RBMS3: variants seen among roughly 807,000 people sequenced by gnomAD.
RBMS3 encodes RNA-binding motif, single-stranded-interacting protein 3.
A neutral mutation model predicts 66.8 loss-of-function variants in RBMS3; 27 were observed. The observed-to-expected ratio is 0.40, with a 90% CI of 0.30 to 0.56. The LOEUF is 0.56. Ranked by LOEUF, RBMS3 falls within the 20% of genes least tolerant of loss-of-function variation. The pLI is 0.40. For missense variants in RBMS3, 513 were observed against 549.5 expected, an observed-to-expected ratio of 0.93 and a Z score of 0.66; for synonymous variants, 188 against 183.0, an observed-to-expected ratio of 1.03 and a Z score of -0.22.
intron 1 of RBMS3, among the ~76,000 whole-genome samples, chr3:29,311,225 A>G (rs192561967): frequency 1.1e-4 from 16 of 151,870 alleles, no homozygotes; most frequent in Admixed American, 1.1e-3. Context: ...AGGTTCTCTT[A>G]TTATCTCCGG....
intron 3 of RBMS3, among the ~76,000 whole-genome samples, chr3:29,541,844 GC>G (rs2045775783): frequency 1.3e-5 from 2 of 151,712 alleles, no homozygotes. Context: ...GCAGCCCTCA[GC>G]CCTACTGTCT....
intron 4 of RBMS3, among the ~76,000 whole-genome samples, chr3:29,684,577 G>A (rs541307836): frequency 1.3e-5 from 2 of 152,110 alleles, no homozygotes; most frequent in African/African-American, 2.4e-5. Context: ...TTCCCTGAAA[G>A]CATTGTTTTG....
chr3:29,951,886 C>G (rs572913726), intron 12 of RBMS3, among the ~76,000 whole-genome samples: 48 of 151,550 alleles, frequency 3.2e-4, no homozygotes, highest in African/African-American at 1.0e-3. Context: ...AGTGAACAAT[C>G]ATTATGATTT....
intron 6 of RBMS3, among the ~76,000 whole-genome samples, chr3:29,805,664 T>C (rs1276628937): frequency 6.6e-6 from 1 of 152,010 alleles, no homozygotes; most frequent in Non-Finnish European, 1.5e-5. Context: ...ATTTTAAAAA[T>C]AGAAAACCAC....
At chr3:29,966,708 G>A (rs1486753335) in intron 12 of RBMS3, among the ~76,000 whole-genome samples, 1 of 152,096 alleles carries the variant, frequency 6.6e-6, no homozygotes, top group African/African-American at 2.4e-5. Flanking sequence ...GATTGCTCTG[G>A]CTAGGACTTC....
At chr3:29,404,335 T>C (rs2039927835) in intron 1 of RBMS3, among the ~76,000 whole-genome samples, 1 of 152,104 alleles carries the variant, frequency 6.6e-6, no homozygotes, top group Admixed American at 6.6e-5. Context: ...CTTTTCCCCA[T>C]TTATAAAATG....
intron 14 of RBMS3, among the ~76,000 whole-genome samples, chr3:30,003,290 A>G (rs1397096454): frequency 6.6e-6 from 1 of 152,022 alleles, no homozygotes; most frequent in Non-Finnish European, 1.5e-5. Context: ...TTGTGTATAT[A>G]CCACTCTGCC....
chr3:29,423,454 A>G (rs2040829046), intron 1 of RBMS3, among the ~76,000 whole-genome samples: 1 of 152,212 alleles, frequency 6.6e-6, no homozygotes, highest in African/African-American at 2.4e-5. Context: ...ATATAAACCT[A>G]CTTCTTGAGT....
At chr3:29,790,616 C>T (rs1298439749) in intron 6 of RBMS3, among the ~76,000 whole-genome samples, 1 of 152,106 alleles carries the variant, frequency 6.6e-6, no homozygotes, top group Non-Finnish European at 1.5e-5. Flanking sequence ...CCAGCCAATA[C>T]TCCCTCCACC....
chr3:29,528,272 C>T (rs560681674), intron 3 of RBMS3, among the ~76,000 whole-genome samples: 77 of 152,124 alleles, frequency 5.1e-4, no homozygotes, highest in South Asian at 1.2e-3. Context: ...GCCACCACAC[C>T]CGGCTAATTT....
intron 10 of RBMS3, among the ~76,000 whole-genome samples, chr3:29,934,396 C>T (rs1170046683): frequency 6.6e-6 from 1 of 151,706 alleles, no homozygotes; most frequent in African/African-American, 2.4e-5. Flanking sequence ...AACCCTTGTT[C>T]TTCTTAAAGT....
chr3:29,483,309 C>CAAA lies in RBMS3; in HGVS notation c.249-5118_249-5116dup, dbSNP rs72225547. Among the ~76,000 whole-genome samples, 146 of 75,604 alleles carry CAAA rather than the reference C, an allele frequency of 1.9e-3. 1 individual carries two copies. The highest frequency in any genetic ancestry group is 9.0e-3 in the Admixed American group (66 of 7,366). 49.6% of individuals were successfully genotyped at this position (75,604 alleles called of 152,430 possible). On this transcript the variant is annotated intron_variant, in intron 2 of 14. Coordinates refer to ENST00000383767, the MANE Select transcript of RBMS3 (RefSeq NM_001003793.3). Reference sequence around the variant, plus strand: ...GGGCGACAGAGCAACTTCGTCTTAACAAAAAAAAAAAAAAAAGAAAAAAGA... The same window carrying CAAA: ...GGGCGACAGAGCAACTTCGTCTTAACAAAAAAAAAAAAAAAAAAAGAAAAAAGA...
At chr3:29,425,373 C>CA (rs955998792) in intron 1 of RBMS3, among the ~76,000 whole-genome samples, 1 of 149,878 alleles carries the variant, frequency 6.7e-6, no homozygotes, top group African/African-American at 2.5e-5. Context: ...GATTCCGTCT[C>CA]AAAAAAAGCT....
At chr3:29,371,500 G>T (rs1358401793) in intron 1 of RBMS3, among the ~76,000 whole-genome samples, 2 of 152,190 alleles carry the variant, frequency 1.3e-5, no homozygotes, top group Non-Finnish European at 2.9e-5. Context: ...AAACATGTAG[G>T]AAGTGCTTGC....
At chr3:29,539,843 C>G (rs2045695135) in intron 3 of RBMS3, among the ~76,000 whole-genome samples, 1 of 152,166 alleles carries the variant, frequency 6.6e-6, no homozygotes, top group African/African-American at 2.4e-5. Flanking sequence ...AATTATAGCT[C>G]TCTTACTAAA....
chr3:29,890,634 C>T (rs1277860942), intron 8 of RBMS3, among the ~76,000 whole-genome samples: 2 of 151,414 alleles, frequency 1.3e-5, no homozygotes, highest in East Asian at 3.9e-4. Flanking sequence ...AAAATGCTCA[C>T]GTCATATTAG....
chr3:29,738,814 T>A (rs2054492750), intron 4 of RBMS3, among the ~76,000 whole-genome samples: 1 of 152,190 alleles, frequency 6.6e-6, no homozygotes, highest in Non-Finnish European at 1.5e-5. Context: ...GACTATACTT[T>A]GAGACTCGTT....
At chr3:29,338,764 A>C (rs146905467) in intron 1 of RBMS3, among the ~76,000 whole-genome samples, 1,429 of 139,184 alleles carry the variant, frequency 0.01, 50 homozygotes, top group Admixed American at 0.085. Context: ...ATAATTTGTT[A>C]TTATTATTAT....
At chr3:29,891,363 C>T (rs2059997963) in intron 8 of RBMS3, among the ~76,000 whole-genome samples, 1 of 151,572 alleles carries the variant, frequency 6.6e-6, no homozygotes, top group African/African-American at 2.4e-5. Flanking sequence ...TATCACTTTT[C>T]TCTAGGACTC....
Sources: allele counts gnomAD v4.1 joint callset (sites outside exome capture counted in the v4.1 genomes callset), GRCh38; gene constraint gnomAD v4.1.1; transcripts MANE v1.5; gene names NCBI Gene and HGNC (gene_info 2026-07-23, HGNC 2026-07-21).